ACOT13: variants seen among roughly 807,000 people sequenced by gnomAD.
The protein encoded by ACOT13 is acyl-coenzyme A thioesterase 13.
ACOT13 carries 10 observed loss-of-function variants against 11.8 expected under a neutral mutation model. The ratio of observed to expected loss-of-function variants is 0.85; its 90% confidence interval spans 0.53 to 1.44. The LOEUF (loss-of-function observed/expected upper bound fraction) is 1.44, where lower values mean the gene tolerates loss of function less well. Ranked by LOEUF, ACOT13 falls within the 40% of genes most tolerant of loss-of-function variation. The probability of loss-of-function intolerance (pLI) is 0.00; values close to 1 mark genes in which losing one functional copy is unlikely to be tolerated. For synonymous variants in ACOT13, 53 were observed against 61.0 expected (o/e 0.87, Z 0.61); for missense variants, 172 against 174.1 (o/e 0.99, Z 0.07).
chr6:24,696,737 C>T (rs1778799747), intron 1 of ACOT13, among the ~76,000 whole-genome samples: 1 of 152,178 alleles, frequency 6.6e-6, no homozygotes, highest in Non-Finnish European at 1.5e-5. Flanking sequence ...CTTACCTTTC[C>T]ATAAGTTGCC....
At chr6:24,668,415 TTCA>T (rs1216614736) in intron 1 of ACOT13, among the ~76,000 whole-genome samples, 1 of 151,894 alleles carries the variant, frequency 6.6e-6, no homozygotes, top group Non-Finnish European at 1.5e-5. Flanking sequence ...GAGACAGGGT[TTCA>T]TCATGTTGGT....
chr6:24,696,906 G>A (rs975772212), intron 1 of ACOT13, among the ~76,000 whole-genome samples: 6 of 152,144 alleles, frequency 3.9e-5, no homozygotes, highest in Admixed American at 3.9e-4. Context: ...CTCCTGAGTA[G>A]CTGAGATTAC....
At chr6:24,668,534 T>G (rs1347434371) in intron 1 of ACOT13, among the ~76,000 whole-genome samples, 1 of 152,194 alleles carries the variant, frequency 6.6e-6, no homozygotes, top group African/African-American at 2.4e-5. Context: ...AGCAGGGATT[T>G]ACTGAAAATG....
intron 2 of ACOT13, among the ~76,000 whole-genome samples, chr6:24,700,462 A>G (rs530817846): frequency 8.6e-4 from 103 of 120,290 alleles, no homozygotes; most frequent in Middle Eastern, 6.6e-3. Context: ...GTGAGATGGA[A>G]TCTTGCTCTG....
At chr6:24,670,267 G>A (rs560914770) in intron 1 of ACOT13, among the ~76,000 whole-genome samples, 2 of 152,298 alleles carry the variant, frequency 1.3e-5, no homozygotes, top group Admixed American at 6.5e-5. Context: ...TTGTTCCATA[G>A]AAGGAATCTC....
Position 24,668,194 on chromosome 6 carries a change from C to T in ACOT13, c.81+850C>T, listed in dbSNP as rs543601775. 4.6e-5 allele frequency among the ~76,000 whole-genome samples: 7 copies of T among 151,902 alleles called. No individual in the cohort carries two copies. In the East Asian group the frequency reaches 5.8e-4, roughly 13 times the overall value. ...AAGTGCTGGGATTACTGGTGTGAGC[C>T]GCCACGCCAGACCTTGAAGGTGTTT... On this transcript the variant is annotated intron_variant, in intron 1 of 2. Transcript: ENST00000230048.
intron 2 of ACOT13, among the ~76,000 whole-genome samples, chr6:24,698,957 A>T (rs1204998653): frequency 6.6e-6 from 1 of 152,144 alleles, no homozygotes; most frequent in African/African-American, 2.4e-5. Flanking sequence ...CTACACAGAC[A>T]TGTTCTGTGA....
intron 1 of ACOT13, among the ~76,000 whole-genome samples, chr6:24,682,349 AATGGTGGCAGGCCACTTCCAAG>A (rs1321380215): frequency 7.2e-5 from 11 of 152,160 alleles, no homozygotes; most frequent in Non-Finnish European, 1.3e-4. Flanking sequence ...CCACTTCCAC[AATGGTGGCAGGCCACTTCCAAG>A]ATGGTGGCAA....
intron 2 of ACOT13, among the ~76,000 whole-genome samples, chr6:24,699,297 C>T (rs2127629197): frequency 6.6e-6 from 1 of 151,354 alleles, no homozygotes; most frequent in South Asian, 2.1e-4. Context: ...GCAAGCTCCG[C>T]CTCCCGGGTT....
intron 1 of ACOT13, among the ~76,000 whole-genome samples, chr6:24,679,194 G>A (rs548490945): frequency 3.9e-5 from 6 of 152,224 alleles, no homozygotes; most frequent in African/African-American, 1.4e-4. Context: ...TCCAAAGTCC[G>A]CTTGCCTGAG....
rs375862741 is a variant in ACOT13 at position 24,687,055 on chromosome 6, G to A, written c.82-10828G>A. ...GGGATCACATTTCAACAGGAGATTC[G>A]GAGGAGACACACACCATCTTAACCA... On this transcript the variant is annotated intron_variant, in intron 1 of 2. Transcript: ENST00000230048. 4.6e-4 allele frequency among the ~76,000 whole-genome samples: 70 copies of A among 152,232 alleles called. No individual in the cohort carries two copies. The South Asian group carries it at 0.013, about 29-fold the overall frequency.
At chr6:24,701,237 CTCACA>C (rs1448648008) in intron 2 of ACOT13, 6 of 343,448 alleles carry the variant, frequency 1.7e-5, no homozygotes, top group Non-Finnish European at 3.1e-5. Context: ...AAAACCTCTT[CTCACA>C]TATTTGGGAA....
intron 1 of ACOT13, among the ~76,000 whole-genome samples, chr6:24,694,455 C>G (rs1177941075): frequency 6.6e-6 from 1 of 152,188 alleles, no homozygotes; most frequent in East Asian, 1.9e-4. Context: ...CAATAGTATT[C>G]ACTTCAAACA....
At chr6:24,698,129 T>C in intron 2 of ACOT13, 62 bp downstream of exon 2, 3 of 1,365,650 alleles carry the variant, frequency 2.2e-6, no homozygotes, top group South Asian at 1.6e-5. Context: ...CAACTGAGAC[T>C]AAACACATTT....
At chr6:24,700,983 A>G (rs1393224663) in intron 2 of ACOT13, 1 of 152,222 alleles carries the variant, frequency 6.6e-6, no homozygotes, top group Admixed American at 6.6e-5. Flanking sequence ...ACTAGGATGT[A>G]CATCTCTTAA....
intron 1 of ACOT13, among the ~76,000 whole-genome samples, chr6:24,691,970 T>C (rs552445106): frequency 4.1e-4 from 62 of 152,332 alleles, no homozygotes; most frequent in African/African-American, 1.3e-3. Context: ...CAAAGGAGCA[T>C]TCTTGTAGCT....
chr6:24,680,034 G>T (rs1220226520), intron 1 of ACOT13, among the ~76,000 whole-genome samples: 1 of 152,094 alleles, frequency 6.6e-6, no homozygotes, highest in Non-Finnish European at 1.5e-5. Context: ...TGGACCTTTG[G>T]GTAAAAGGGG....
chr6:24,678,218 T>A (rs1778488176), intron 1 of ACOT13, among the ~76,000 whole-genome samples: 1 of 152,022 alleles, frequency 6.6e-6, no homozygotes, highest in Non-Finnish European at 1.5e-5. Flanking sequence ...AGAGTCAGGG[T>A]GTACAGGGAT....
In ACOT13 at chr6:24,703,220, T is replaced by A. The variant is rs1486156030; in HGVS notation, c.*1605T>A. Reference sequence around the variant, plus strand: ...TCAGGGAATCTTAATGAACATTTCATGACTAAAGACTAAAAAGGATGCAGC... The same window carrying A: ...TCAGGGAATCTTAATGAACATTTCAAGACTAAAGACTAAAAAGGATGCAGC... On this transcript the variant is annotated 3_prime_UTR_variant, in exon 3 of 3. Transcript: ENST00000230048. The A allele has an allele frequency of 6.6e-6, 1 of 152,236 alleles. No individual in the cohort carries two copies. The highest frequency in any genetic ancestry group is 2.4e-5 in the African/African-American group (1 of 41,466). The allele number at this position is 152,236 out of a possible 1,614,324, so 9.4% of individuals were successfully genotyped here. A position where few individuals can be genotyped will look rare whatever the true frequency, so the allele number is the denominator to read the frequency against.
Sources: gnomAD v4.1 joint callset for allele counts (sites outside exome capture counted in the v4.1 genomes callset) on GRCh38, gnomAD v4.1.1 for gene constraint, MANE v1.5 for transcripts, NCBI Gene and HGNC (gene_info 2026-07-23, HGNC 2026-07-21) for gene names.